Variants in SLAMF9 observed in about 807,000 individuals in gnomAD.
The protein encoded by SLAMF9 is SLAM family member 9.
A neutral mutation model predicts 30.4 loss-of-function variants in SLAMF9; 25 were observed. The observed-to-expected ratio is 0.82, with a 90% CI of 0.60 to 1.15. The LOEUF is 1.15. SLAMF9 is among the 50% of genes most tolerant of loss of function. SLAMF9 has a pLI of 0.00. For synonymous variants in SLAMF9, 129 were observed against 127.2 expected (o/e 1.01, Z -0.09); for missense variants, 344 against 346.1 (o/e 0.99, Z 0.05).
chr1:159,967,167 T>A, the SLAMF9 span, among the ~76,000 whole-genome samples: 1 of 152,188 alleles, frequency 6.6e-6, no homozygotes, highest in Non-Finnish European at 1.5e-5. Flanking sequence ...ATACTTTAAC[T>A]TCTAGGGTAC....
At chr1:159,952,107 G>A (rs936282104) in intron 3 of SLAMF9, among the ~76,000 whole-genome samples, 155 bp downstream of exon 3, 3 of 152,144 alleles carry the variant, frequency 2.0e-5, no homozygotes, top group African/African-American at 4.8e-5. Flanking sequence ...CTAGAAAAAC[G>A]GAGGGTCTCC....
chr1:159,979,852 C>A, the SLAMF9 span, among the ~76,000 whole-genome samples: 1 of 152,118 alleles, frequency 6.6e-6, no homozygotes, highest in African/African-American at 2.4e-5. Flanking sequence ...AGGGAGATAG[C>A]CCATCCTGTT....
chr1:159,960,097 G>GTT, the SLAMF9 span, among the ~76,000 whole-genome samples: 1 of 151,594 alleles, frequency 6.6e-6, no homozygotes, highest in South Asian at 2.1e-4. Flanking sequence ...CATGTGCCAT[G>GTT]TTGGTGTGCT....
chr1:159,961,644 T>A, the SLAMF9 span, among the ~76,000 whole-genome samples: 2 of 152,184 alleles, frequency 1.3e-5, no homozygotes, highest in African/African-American at 4.8e-5. Context: ...GGAGTCATTG[T>A]GAAACAAAGG....
In SLAMF9 at chr1:159,953,996, A is replaced by G. The variant is rs1023740972; in HGVS notation, c.46+96T>C. The stretch of plus-strand genomic sequence containing the variant: ...AACTCCAGAAGAGCTGACACATTCA[A>G]CCCCTAAGAAAGGGTCTTACTGGCC... On this transcript the variant is annotated intron_variant, in intron 1 of 3. Transcript: ENST00000368093. 1.2e-5 allele frequency: 17 copies of G among 1,467,306 alleles called. No homozygotes were observed. In the African/African-American group the frequency reaches 1.4e-4, roughly 12 times the overall value. The allele number at this position is 1,467,306 out of a possible 1,614,324, so 90.9% of individuals were successfully genotyped here. A position where few individuals can be genotyped will look rare whatever the true frequency, so the allele number is the denominator to read the frequency against.
chr1:159,952,356 C>T lies in SLAMF9; in HGVS notation c.570G>A (p.Arg190=), dbSNP rs1270833968. Residue 190 remains arginine, a synonymous_variant, in exon 3 of 4, where the codon AGG becomes AGA. Transcript: ENST00000368093. The part of the protein sequence containing the change: ...HEGPVLSTSW[R]PGDSALSYTC... Reference sequence around the variant, plus strand: ...TGTAGGAGAGGGCACTGTCCCCCGGCCTCCAGGATGTGCTGAGGACAGGGC... The same window carrying T: ...TGTAGGAGAGGGCACTGTCCCCCGGTCTCCAGGATGTGCTGAGGACAGGGC... 1 of 1,613,980 alleles carries T rather than the reference C, an allele frequency of 6.2e-7. No individual in the cohort carries two copies. The highest frequency in any genetic ancestry group is 8.5e-7 in the Non-Finnish European group (1 of 1,180,010).
chr1:159,983,984 G>C, the SLAMF9 span: 2,057 of 152,406 alleles, frequency 0.013, 29 homozygotes, highest in Middle Eastern at 0.061. Flanking sequence ...CAGGGCTGCA[G>C]ATATGATGGA....
chr1:159,981,942 G>T, the SLAMF9 span, among the ~76,000 whole-genome samples: 2 of 152,206 alleles, frequency 1.3e-5, no homozygotes, highest in African/African-American at 4.8e-5. Context: ...CCTTTCCCAG[G>T]TGTCTGACCT....
intron 3 of SLAMF9, 43 bp from the exon 4 acceptor site, chr1:159,951,909 T>C (rs764920464): frequency 1.9e-6 from 3 of 1,581,652 alleles, no homozygotes; most frequent in Non-Finnish European, 2.6e-6. Flanking sequence ...AGTGGTAGGG[T>C]TGGGGTTAAG....
At chr1:159,978,877 C>T in the SLAMF9 span, 19 of 152,214 alleles carry the variant, frequency 1.2e-4, no homozygotes, top group African/African-American at 4.3e-4. Context: ...TGGCTTTCTC[C>T]TCTTGCAGGA....
At chr1:159,981,942 G>A in the SLAMF9 span, among the ~76,000 whole-genome samples, 3 of 152,206 alleles carry the variant, frequency 2.0e-5, no homozygotes, top group African/African-American at 7.2e-5. Flanking sequence ...CCTTTCCCAG[G>A]TGTCTGACCT....
At chr1:159,960,154 A>G in the SLAMF9 span, among the ~76,000 whole-genome samples, 1 of 137,914 alleles carries the variant, frequency 7.3e-6, no homozygotes, top group Non-Finnish European at 1.6e-5. Context: ...TCCTAATGCT[A>G]TCCCTCCCCC....
Position 159,953,644 on chromosome 1 carries a change from C to T in SLAMF9, c.56G>A (p.Arg19Lys). Residue 19 changes from arginine (R) to lysine (K), a missense_variant, in exon 2 of 4, where the codon AGG (arginine) becomes AAG (lysine). Physicochemically the swap from Arg to Lys is conservative, Grantham distance 26. Transcript: ENST00000368093. ...GGATCCACACCATCTCCAGAGTCTCCTTTGGCTGCCTATGCAGGAAGAAAA... is the reference window on the plus strand; with the variant it reads ...GGATCCACACCATCTCCAGAGTCTCTTTTGGCTGCCTATGCAGGAAGAAAA... ...LLLLLQEGSQ[R>K]RLWRWCGSEE... The T allele has an allele frequency of 6.3e-7, 1 of 1,598,556 alleles. No individual in the cohort carries two copies. The highest frequency in any genetic ancestry group is 8.6e-7 in the Non-Finnish European group (1 of 1,169,344).
upstream of SLAMF9, among the ~76,000 whole-genome samples, chr1:159,958,187 C>T (rs1651967950): frequency 6.6e-6 from 1 of 152,244 alleles, no homozygotes; most frequent in African/African-American, 2.4e-5. Context: ...CCCGAAGGTG[C>T]TGCAGCTAGA....
chr1:159,974,016 G>A, the SLAMF9 span: 2 of 1,608,318 alleles, frequency 1.2e-6, no homozygotes, highest in South Asian at 1.1e-5. Flanking sequence ...CAGAGTCAGG[G>A]CATCTCCTTC....
chr1:159,962,055 G>A, the SLAMF9 span, among the ~76,000 whole-genome samples: 1 of 152,108 alleles, frequency 6.6e-6, no homozygotes, highest in Non-Finnish European at 1.5e-5. Flanking sequence ...GTACCTGGGA[G>A]GCTGAGGCAG....
At position 159,953,457 on chromosome 1, in the gene SLAMF9, G is replaced by A. The variant is rs570157487; in HGVS notation, c.243C>T (p.His81=). 1.4e-5 allele frequency: 23 copies of A among 1,614,236 alleles called. No homozygotes were observed. The Admixed American group carries it at 1.8e-4, about 13-fold the overall frequency. The change falls in exon 2 of 4, where the codon CAC becomes CAT. Residue 81 remains histidine (H), a synonymous_variant. Coordinates refer to ENST00000368093, the MANE Select transcript of SLAMF9 (RefSeq NM_033438.4). ...HPATIMVTNP[H]YQGQVSFLDP... The stretch of plus-strand genomic sequence containing the variant: ...CCAGGAAGCTCACTTGGCCCTGGTA[G>A]TGTGGATTGGTCACCATGATGGTAG...
upstream of SLAMF9, among the ~76,000 whole-genome samples, chr1:159,958,489 C>T (rs1228606631): frequency 6.6e-6 from 1 of 150,774 alleles, no homozygotes; most frequent in Non-Finnish European, 1.5e-5. Flanking sequence ...GAGACAGGGT[C>T]TTGCTCTATC....
the SLAMF9 span, among the ~76,000 whole-genome samples, chr1:159,973,643 G>C: frequency 6.6e-5 from 10 of 152,294 alleles, no homozygotes; most frequent in South Asian, 2.1e-3. Context: ...TGGGGGTATT[G>C]AGACAACATC....
Sources: gnomAD v4.1 joint callset for allele counts (sites outside exome capture counted in the v4.1 genomes callset) on GRCh38, gnomAD v4.1.1 for gene constraint, MANE v1.5 for transcripts, NCBI Gene and HGNC (gene_info 2026-07-23, HGNC 2026-07-21) for gene names.